MBOAT1: variants seen among roughly 807,000 people sequenced by gnomAD.
The protein encoded by MBOAT1 is membrane bound glycerophospholipid O-acyltransferase 1.
MBOAT1 carries 67 observed loss-of-function variants against 64.4 expected under a neutral mutation model. The observed-to-expected ratio is 1.04, with a 90% CI of 0.85 to 1.27. The LOEUF is 1.27. Among genes scored for constraint, MBOAT1 ranks in the 50% most tolerant of loss-of-function variants. MBOAT1 has a pLI of 0.00. For synonymous variants in MBOAT1, 229 were observed against 218.9 expected, an observed-to-expected ratio of 1.05 and a Z score of -0.41; for missense variants, 563 against 604.6, an observed-to-expected ratio of 0.93 and a Z score of 0.72.
chr6:20,207,039 T>C (rs1763285185), intron 1 of MBOAT1, among the ~76,000 whole-genome samples: 1 of 152,180 alleles, frequency 6.6e-6, no homozygotes, highest in Non-Finnish European at 1.5e-5. Flanking sequence ...TCTCTGAAAA[T>C]TTCTGTTTCA....
At chr6:20,155,639 G>C (rs913005799) in intron 1 of MBOAT1, among the ~76,000 whole-genome samples, 16 of 152,102 alleles carry the variant, frequency 1.1e-4, no homozygotes, top group African/African-American at 1.9e-4. Flanking sequence ...CAGTGCCTTG[G>C]GTTCCCACAT....
At chr6:20,150,254 T>C (rs1244511526) in intron 3 of MBOAT1, among the ~76,000 whole-genome samples, 3 of 152,174 alleles carry the variant, frequency 2.0e-5, no homozygotes, top group African/African-American at 7.2e-5. Context: ...ACAGTTTTAG[T>C]GTACACGTAG....
chr6:20,166,010 T>C (rs147533225), intron 1 of MBOAT1, among the ~76,000 whole-genome samples: 1 of 152,130 alleles, frequency 6.6e-6, no homozygotes, highest in African/African-American at 2.4e-5. Context: ...ATGAGAGAAG[T>C]TCACAGATCC....
At chr6:20,120,610 A>C (rs1219131859) in intron 8 of MBOAT1, among the ~76,000 whole-genome samples, 1 of 152,138 alleles carries the variant, frequency 6.6e-6, no homozygotes, top group Non-Finnish European at 1.5e-5. Context: ...CGGAGGTTAC[A>C]ATTAGCCAAG....
chr6:20,210,131 G>A (rs1763378699), intron 1 of MBOAT1, among the ~76,000 whole-genome samples: 4 of 152,176 alleles, frequency 2.6e-5, no homozygotes, highest in South Asian at 2.1e-4. Flanking sequence ...CCTAATGTCG[G>A]GCATTTCACA....
At chr6:20,156,144 G>C (rs772337385) in intron 1 of MBOAT1, among the ~76,000 whole-genome samples, 2 of 151,784 alleles carry the variant, frequency 1.3e-5, no homozygotes, top group East Asian at 1.9e-4. Flanking sequence ...GGTGGTGGGC[G>C]CCTGTAGTCC....
intron 11 of MBOAT1, among the ~76,000 whole-genome samples, chr6:20,111,640 T>C (rs1386839749): frequency 6.6e-6 from 1 of 151,736 alleles, no homozygotes; most frequent in East Asian, 1.9e-4. Context: ...GTTTTATTTC[T>C]TAATTTGGCC....
intron 3 of MBOAT1, among the ~76,000 whole-genome samples, chr6:20,147,296 T>C (rs1390681485): frequency 6.6e-6 from 1 of 152,078 alleles, no homozygotes; most frequent in Non-Finnish European, 1.5e-5. Flanking sequence ...TAATCCATGG[T>C]GGGAGAAGTT....
At chr6:20,201,018 C>T (rs1413416725) in intron 1 of MBOAT1, among the ~76,000 whole-genome samples, 1 of 152,154 alleles carries the variant, frequency 6.6e-6, no homozygotes, top group Non-Finnish European at 1.5e-5. Flanking sequence ...AGAAAGTCAT[C>T]TCAAAAGCAG....
chr6:20,148,570 C>T (rs535668045), intron 3 of MBOAT1, among the ~76,000 whole-genome samples: 9 of 152,272 alleles, frequency 5.9e-5, no homozygotes, highest in East Asian at 1.9e-4. Context: ...AGGGAACTTG[C>T]GTTCAAACTG....
At chr6:20,138,447 C>G (rs1291240659) in intron 4 of MBOAT1, among the ~76,000 whole-genome samples, 3 of 152,182 alleles carry the variant, frequency 2.0e-5, no homozygotes, top group African/African-American at 7.2e-5. Context: ...GACTATGTGG[C>G]TGAAAGTGAG....
chr6:20,203,526 G>A (rs114871470), intron 1 of MBOAT1, among the ~76,000 whole-genome samples: 3,352 of 152,180 alleles, frequency 0.022, 46 homozygotes, highest in South Asian at 0.051. Context: ...AAAAAGAACT[G>A]GCTCCCAATT....
rs1402013865 is a variant in MBOAT1 at position 20,101,366 on chromosome 6, A to G, written c.*920T>C. Among the ~76,000 whole-genome samples the G allele has an allele frequency of 2.0e-5, 3 of 152,200 alleles. No homozygotes were observed. The highest frequency in any genetic ancestry group is 6.5e-5 in the Admixed American group (1 of 15,282). On this transcript the variant is annotated 3_prime_UTR_variant, in exon 13 of 13. Coordinates refer to ENST00000324607, the MANE Select transcript of MBOAT1 (RefSeq NM_001080480.3). Reference sequence around the variant, plus strand: ...AAGGGGAAAGGTTACATTCCTGGAAAGAAAATACAGCCTATTTGAGGGCAT... The same window carrying G: ...AAGGGGAAAGGTTACATTCCTGGAAGGAAAATACAGCCTATTTGAGGGCAT...
chr6:20,121,822 TAC>T (rs57033694), intron 8 of MBOAT1, among the ~76,000 whole-genome samples: 4 of 151,236 alleles, frequency 2.6e-5, no homozygotes, highest in South Asian at 2.1e-4. Context: ...CTCTGTCCCC[TAC>T]ACACACACAC....
intron 11 of MBOAT1, among the ~76,000 whole-genome samples, chr6:20,111,876 A>ATATACATATATATACATATATC (rs1760176980): frequency 7.2e-6 from 1 of 139,562 alleles, no homozygotes; most frequent in Non-Finnish European, 1.5e-5. Context: ...ATACATATAT[A>ATATACATATATATACATATATC]TATGTATATA....
chr6:20,177,212 T>C (rs1762367080), intron 1 of MBOAT1, among the ~76,000 whole-genome samples: 1 of 152,114 alleles, frequency 6.6e-6, no homozygotes, highest in South Asian at 2.1e-4. Flanking sequence ...GGAAGGTACA[T>C]TTTCTCCTGG....
In MBOAT1 at chr6:20,112,824, T is replaced by C. The variant is rs879067231; in HGVS notation, c.1209+52A>G. ...ACTAGGACCCAACAGATAACAAACA[T>C]GCAGGCATCAGATTACTAAGGGGAA... On this transcript the variant is annotated intron_variant, in intron 11 of 12. Coordinates refer to ENST00000324607, the MANE Select transcript of MBOAT1 (RefSeq NM_001080480.3). 5.8e-6 allele frequency: 9 copies of C among 1,561,816 alleles called. No homozygotes were observed. In the South Asian group the frequency reaches 9.6e-5, roughly 17 times the overall value.
At chr6:20,141,343 TTTTC>T (rs140388784) in intron 4 of MBOAT1, among the ~76,000 whole-genome samples, 2,752 of 114,050 alleles carry the variant, frequency 0.024, 29 homozygotes, top group African/African-American at 0.027. Context: ...TCATTTTTTC[TTTTC>T]TTTTTCTTTT....
At chr6:20,119,220 C>T (rs1466137010) in intron 8 of MBOAT1, among the ~76,000 whole-genome samples, 2 of 152,186 alleles carry the variant, frequency 1.3e-5, no homozygotes, top group Admixed American at 1.3e-4. Flanking sequence ...CCCAAGCCAG[C>T]CACCCATAAA....
Sources: allele counts gnomAD v4.1 joint callset (sites outside exome capture counted in the v4.1 genomes callset), GRCh38; gene constraint gnomAD v4.1.1; transcripts MANE v1.5; gene names NCBI Gene and HGNC (gene_info 2026-07-23, HGNC 2026-07-21).